Variants in DPP6 observed in about 807,000 individuals in gnomAD.
The protein encoded by DPP6 is A-type potassium channel modulatory protein DPP6.
DPP6 carries 69 observed loss-of-function variants against 122.6 expected under a neutral mutation model. The ratio of observed to expected loss-of-function variants is 0.56; its 90% CI spans 0.46 to 0.69. The LOEUF is 0.69. Ranked by LOEUF, DPP6 falls within the 30% of genes least tolerant of loss-of-function variation. The pLI, the probability that DPP6 is intolerant of heterozygous loss-of-function variation, is 0.00. For missense variants in DPP6, 928 were observed against 1,116.9 expected (o/e 0.83, Z 2.41); for synonymous variants, 418 against 433.1 (o/e 0.97, Z 0.43).
At chr7:154,590,573 T>TTTTTTTTTTTTTTTGA (rs1439562735) in intron 5 of DPP6, among the ~76,000 whole-genome samples, 2 of 140,948 alleles carry the variant, frequency 1.4e-5, no homozygotes, top group African/African-American at 5.4e-5. Flanking sequence ...TAACTCTTGT[T>TTTTTTTTTTTTTTTGA]GCCCAGGCTG....
At chr7:154,619,970 T>A (rs1834529990) in intron 5 of DPP6, among the ~76,000 whole-genome samples, 2 of 152,232 alleles carry the variant, frequency 1.3e-5, no homozygotes, top group South Asian at 4.1e-4. Context: ...TGCACAGCTT[T>A]GTCAAAATGC....
At chr7:154,103,310 C>G (rs1202855510) in intron 1 of DPP6, among the ~76,000 whole-genome samples, 1 of 152,180 alleles carries the variant, frequency 6.6e-6, no homozygotes, top group Non-Finnish European at 1.5e-5. Flanking sequence ...TTAGGTTCTC[C>G]TAAAACATCT....
At chr7:154,044,022 G>T (rs1453860975) in intron 1 of DPP6, among the ~76,000 whole-genome samples, 1 of 149,978 alleles carries the variant, frequency 6.7e-6, no homozygotes, top group Non-Finnish European at 1.5e-5. Flanking sequence ...ACAAATTCGG[G>T]GCACAAACAG....
At chr7:154,013,517 A>G (rs1046087363) in intron 1 of DPP6, among the ~76,000 whole-genome samples, 6 of 151,020 alleles carry the variant, frequency 4.0e-5, no homozygotes, top group South Asian at 2.1e-4. Context: ...AAAAAACAAC[A>G]TACAACCAAA....
intron 16 of DPP6, among the ~76,000 whole-genome samples, chr7:154,840,630 T>A (rs1224949320): frequency 1.3e-5 from 2 of 152,234 alleles, no homozygotes; most frequent in South Asian, 2.1e-4. Context: ...CTTGTAAAAC[T>A]GTTTTTACGT....
chr7:154,269,489 T>C (rs1585790738), intron 1 of DPP6, among the ~76,000 whole-genome samples: 1 of 152,172 alleles, frequency 6.6e-6, no homozygotes, highest in Admixed American at 6.5e-5. Context: ...TAGAGCTGTA[T>C]TGTACCATCC....
intron 17 of DPP6, among the ~76,000 whole-genome samples, chr7:154,855,152 AG>A (rs200844682): frequency 0.014 from 2,165 of 152,272 alleles, 54 homozygotes; most frequent in African/African-American, 0.049. Context: ...GACACCGTGA[AG>A]TGGTCAAACT....
At chr7:154,035,932 G>A (rs1335842394) in intron 1 of DPP6, among the ~76,000 whole-genome samples, 3 of 151,930 alleles carry the variant, frequency 2.0e-5, no homozygotes, top group East Asian at 1.9e-4. Context: ...ACTGCCTTCC[G>A]AATGTGAACT....
chr7:154,720,837 A>G (rs562003091), intron 7 of DPP6, among the ~76,000 whole-genome samples: 1 of 152,358 alleles, frequency 6.6e-6, no homozygotes, highest in Non-Finnish European at 1.5e-5. Context: ...TGGGTCTTTC[A>G]GTGAGAAGGG....
chr7:153,766,724 T>C, the DPP6 span, among the ~76,000 whole-genome samples: 1 of 152,168 alleles, frequency 6.6e-6, no homozygotes, highest in Non-Finnish European at 1.5e-5. Flanking sequence ...TTTAGGGTAA[T>C]AGAGGCAACC....
chr7:154,339,109 G>A (rs1393004864), intron 1 of DPP6, among the ~76,000 whole-genome samples: 3 of 152,314 alleles, frequency 2.0e-5, no homozygotes, highest in East Asian at 3.9e-4. Flanking sequence ...GTGTGGGGCC[G>A]GTCCTTGGTG....
At chr7:154,254,439 ATG>A (rs1468832839) in intron 1 of DPP6, among the ~76,000 whole-genome samples, 17 of 152,210 alleles carry the variant, frequency 1.1e-4, no homozygotes, top group Admixed American at 3.3e-4. Context: ...AAGTGATAGC[ATG>A]TGTCATAGCC....
intron 1 of DPP6, among the ~76,000 whole-genome samples, chr7:154,147,555 C>G (rs562033957): frequency 0.047 from 6,785 of 144,912 alleles, no homozygotes; most frequent in African/African-American, 0.17. Flanking sequence ...TCTCAGCTCA[C>G]TGCAACCTCC....
In DPP6 at chr7:154,367,394, A is replaced by C. The variant is rs1214386314; in HGVS notation, c.244-78820A>C. On this transcript the variant is annotated intron_variant, in intron 1 of 25. Coordinates refer to ENST00000377770, the MANE Select transcript of DPP6 (RefSeq NM_130797.4). ...TTACCAAATTTGAACTTTTTTTTAA[A>C]TTTTATTTTTTCTAGTCTGGCTTTT... 2.0e-5 allele frequency among the ~76,000 whole-genome samples: 3 copies of C among 152,214 alleles called. No homozygotes were observed. In the East Asian group the frequency reaches 5.8e-4, roughly 29 times the overall value.
chr7:153,947,162 G>C (rs1382708162), intron 1 of DPP6, among the ~76,000 whole-genome samples: 1 of 152,204 alleles, frequency 6.6e-6, no homozygotes, highest in African/African-American at 2.4e-5. Context: ...AGCAGTAGAA[G>C]CGTCCCATTT....
At chr7:153,900,597 C>T (rs375379567) in intron 1 of DPP6, among the ~76,000 whole-genome samples, 7 of 152,056 alleles carry the variant, frequency 4.6e-5, no homozygotes, top group African/African-American at 7.2e-5. Context: ...GAATGAGTAA[C>T]GGGATGACTA....
chr7:153,948,247 C>T (rs1393567316), intron 1 of DPP6, among the ~76,000 whole-genome samples: 2 of 152,090 alleles, frequency 1.3e-5, no homozygotes, highest in African/African-American at 4.8e-5. Context: ...CTTTCTGTCA[C>T]CAGCAGGTGG....
the DPP6 span, among the ~76,000 whole-genome samples, chr7:153,805,907 C>G: frequency 6.6e-6 from 1 of 151,690 alleles, no homozygotes; most frequent in Non-Finnish European, 1.5e-5. Context: ...ATGTAAATGA[C>G]GAGTTACTGG....
chr7:153,814,741 A>G, the DPP6 span, among the ~76,000 whole-genome samples: 1 of 152,174 alleles, frequency 6.6e-6, no homozygotes, highest in Non-Finnish European at 1.5e-5. Context: ...CCAGCAGCAC[A>G]TCAAAAAGCT....
Sources: allele counts gnomAD v4.1 joint callset (sites outside exome capture counted in the v4.1 genomes callset), GRCh38; gene constraint gnomAD v4.1.1; transcripts MANE v1.5; gene names NCBI Gene and HGNC (gene_info 2026-07-23, HGNC 2026-07-21).